The following CFTR variants were observed in gnomAD, a reference collection of about 807,000 sequenced individuals.
CFTR encodes the protein CF transmembrane conductance regulator.
Under a neutral mutation model 171.6 loss-of-function variants are expected in CFTR, and 181 were observed. That is an observed-to-expected ratio of 1.05 (90% CI 0.93 to 1.19). The LOEUF is 1.19. CFTR is among the 50% of genes most tolerant of loss of function. CFTR has a pLI of 0.00. For synonymous variants in CFTR, 583 were observed against 608.0 expected (o/e 0.96, Z 0.60); for missense variants, 1,968 against 1,734.7 (o/e 1.13, Z -2.39).
intron 22 of CFTR, among the ~76,000 whole-genome samples, chr7:117,639,915 G>A (rs1156809126): frequency 6.6e-6 from 1 of 152,104 alleles, no homozygotes; most frequent in African/African-American, 2.4e-5. Context: ...ACAAGGTAAT[G>A]AAAAATAATT....
intron 20 of CFTR, among the ~76,000 whole-genome samples, chr7:117,612,036 T>TATATATAC (rs1554392416): frequency 1.3e-5 from 1 of 78,458 alleles, no homozygotes; most frequent in Non-Finnish European, 2.7e-5. Flanking sequence ...TATATATATA[T>TATATATAC]ATATATATAT....
intron 26 of CFTR, 25 bp from the exon 27 acceptor site, chr7:117,666,883 A>T: frequency 6.2e-7 from 1 of 1,610,774 alleles, no homozygotes; most frequent in South Asian, 1.1e-5. Context: ...TCTGTCCCAG[A>T]TCTCACTAAC....
At chr7:117,539,305 C>T (rs1584788799) in intron 7 of CFTR, among the ~76,000 whole-genome samples, 2 of 152,186 alleles carry the variant, frequency 1.3e-5, no homozygotes, top group East Asian at 1.9e-4. Flanking sequence ...GAAGATTGAA[C>T]GTATAGTGTA....
rs1792035659 is a variant in CFTR, at chr7:117,592,116, T to C, written c.1949T>C (p.Phe650Ser). The C allele has an allele frequency of 6.2e-7, 1 of 1,614,132 alleles. No individual in the cohort carries two copies. The highest frequency in any genetic ancestry group is 8.5e-7 in the Non-Finnish European group (1 of 1,180,032). The change falls in exon 14 of 27, where the codon TTC (phenylalanine) becomes TCC (serine). Residue 650 changes from phenylalanine to serine, a missense_variant. Physicochemically the swap from Phe to Ser is radical, Grantham distance 155 (BLOSUM62 -2). Coordinates refer to ENST00000003084, the MANE Select transcript of CFTR (RefSeq NM_000492.4). The stretch of plus-strand genomic sequence containing the variant: ...TCAAAACTCATGGGATGTGATTCTT[T>C]CGACCAATTTAGTGCAGAAAGAAGA... ...FSSKLMGCDS[F>S]DQFSAERRNS...
chr7:117,664,805 C>G lies in CFTR; in HGVS notation c.4081C>G (p.Leu1361Val), dbSNP rs772157232. 1 of 1,614,024 alleles carries G rather than the reference C, an allele frequency of 6.2e-7. No individual in the cohort carries two copies. Among genetic ancestry groups the G allele is most frequent in the South Asian group, 1.1e-5 (1 of 91,082 alleles). ...GTTGATGTGCTTGGCTAGATCTGTT[C>G]TCAGTAAGGCGAAGATCTTGCTGCT... is the stretch of plus-strand genomic sequence containing the variant. ...KQLMCLARSV[L>V]SKAKILLLDE... Residue 1361 changes from leucine (L) to valine (V), a missense_variant, in exon 25 of 27, where the codon CTC becomes GTC. Coordinates refer to ENST00000003084, the MANE Select transcript of CFTR (RefSeq NM_000492.4).
chr7:117,613,910 A>G (rs1266544294), intron 20 of CFTR, among the ~76,000 whole-genome samples: 1 of 151,290 alleles, frequency 6.6e-6, no homozygotes, highest in African/African-American at 2.4e-5. Flanking sequence ...TACTGAACAC[A>G]TGAATTTTAA....
At chr7:117,496,309 G>A (rs772705402) in intron 1 of CFTR, among the ~76,000 whole-genome samples, 5 of 151,978 alleles carry the variant, frequency 3.3e-5, no homozygotes, top group Non-Finnish European at 7.4e-5. Context: ...AGGCGAAAGC[G>A]GTCCTCCCAC....
intron 1 of CFTR, chr7:117,487,857 G>A (rs1798098905): frequency 6.6e-6 from 1 of 152,142 alleles, no homozygotes; most frequent in Admixed American, 6.6e-5. Context: ...GCTGTATTAA[G>A]AGGTGATTCA....
chr7:117,523,543 A>C (rs1243788449), intron 3 of CFTR, among the ~76,000 whole-genome samples: 1 of 151,734 alleles, frequency 6.6e-6, no homozygotes, highest in Non-Finnish European at 1.5e-5. Context: ...CGCCCAGCTA[A>C]ATTTTTTGTA....
chr7:117,504,384 T>C (rs1447799173), intron 2 of CFTR, 21 bp downstream of exon 2: 2 of 1,136,174 alleles, frequency 1.8e-6, no homozygotes, highest in South Asian at 1.2e-5. Flanking sequence ...GTACATTGTT[T>C]AGTTGAAGAG....
chr7:117,542,479 G>A (rs1366191058), intron 9 of CFTR, among the ~76,000 whole-genome samples: 3 of 152,066 alleles, frequency 2.0e-5, no homozygotes, highest in South Asian at 2.1e-4. Context: ...CCTGGGAGGC[G>A]GAGGTTGCAG....
rs1562914085 is a variant in CFTR, at chr7:117,610,543, A to G, written c.3013A>G (p.Ile1005Val). 2 of 1,613,334 alleles carry G rather than the reference A, an allele frequency of 1.2e-6. No homozygotes were observed. The highest frequency in any genetic ancestry group is 1.7e-5 in the Admixed American group (1 of 59,938). ...GTTGTTATTAATTGTGATTGGAGCTATAGCAGTTGTCGCAGTTTTACAACC... is the reference window on the plus strand; with the variant it reads ...GTTGTTATTAATTGTGATTGGAGCTGTAGCAGTTGTCGCAGTTTTACAACC... ...IQLLLIVIGA[I>V]AVVAVLQPYI... The change falls in exon 19 of 27, where the codon ATA becomes GTA. Residue 1005 changes from isoleucine to valine, a missense_variant. Ile to Val is a conservative substitution (Grantham distance 29). Transcript: ENST00000003084.
At chr7:117,652,813 C>A in intron 23 of CFTR, 29 bp from the exon 24 acceptor site, 1 of 1,093,326 alleles carries the variant, frequency 9.1e-7, no homozygotes, top group Non-Finnish European at 1.4e-6. Flanking sequence ...GTTATTCATA[C>A]TTTCTTCTTC....
Position 117,611,658 on chromosome 7 carries a change from T to G in CFTR, c.3217T>G (p.Tyr1073Asp). 1 of 1,613,714 alleles carries G rather than the reference T, an allele frequency of 6.2e-7. No individual in the cohort carries two copies. Among genetic ancestry groups the G allele is most frequent in the South Asian group, 1.1e-5 (1 of 91,074 alleles). The change falls in exon 20 of 27, where the codon TAC becomes GAC. Residue 1073 changes from tyrosine to aspartate, a missense_variant. Coordinates refer to ENST00000003084, the MANE Select transcript of CFTR (RefSeq NM_000492.4). The stretch of plus-strand genomic sequence containing the variant: ...ACTTCGTGCCTTCGGACGGCAGCCT[T>G]ACTTTGAAACTCTGTTCCACAAAGC... ...WTLRAFGRQP[Y>D]FETLFHKALN...
chr7:117,616,575 T>C (rs1278543294), intron 21 of CFTR, among the ~76,000 whole-genome samples: 1 of 152,172 alleles, frequency 6.6e-6, no homozygotes, highest in Non-Finnish European at 1.5e-5. Context: ...CTCTGTTTGG[T>C]GCATTTCTAC....
intron 11 of CFTR, among the ~76,000 whole-genome samples, chr7:117,563,687 T>A (rs1562899834): frequency 6.6e-6 from 1 of 152,156 alleles, no homozygotes; most frequent in Non-Finnish European, 1.5e-5. Flanking sequence ...GCTAACAAAG[T>A]ACTAGTGGAG....
chr7:117,501,238 C>A (rs1798320657), intron 1 of CFTR, among the ~76,000 whole-genome samples: 1 of 152,034 alleles, frequency 6.6e-6, no homozygotes, highest in Non-Finnish European at 1.5e-5. Context: ...TCTACAGGTT[C>A]TTTTCTTTCC....
chr7:117,602,177 T>G (rs1792236847), intron 15 of CFTR, among the ~76,000 whole-genome samples: 1 of 152,106 alleles, frequency 6.6e-6, no homozygotes, highest in Non-Finnish European at 1.5e-5. Context: ...GGATCACAGG[T>G]GTACACCACC....
chr7:117,483,709 G>A (rs1186158982), intron 1 of CFTR, among the ~76,000 whole-genome samples: 1 of 151,800 alleles, frequency 6.6e-6, no homozygotes, highest in Non-Finnish European at 1.5e-5. Flanking sequence ...CAGGTGTACA[G>A]GTGTGTACCA....
Sources: allele counts gnomAD v4.1 joint callset (sites outside exome capture counted in the v4.1 genomes callset), GRCh38; gene constraint gnomAD v4.1.1; transcripts MANE v1.5; gene names NCBI Gene and HGNC (gene_info 2026-07-23, HGNC 2026-07-21).